JAKMIP1: variants seen among roughly 807,000 people sequenced by gnomAD.
JAKMIP1 encodes janus kinase and microtubule-interacting protein 1.
In JAKMIP1, 33 loss-of-function variants were observed where a neutral mutation model predicts 113.0. That is an observed-to-expected ratio of 0.29 (90% CI 0.22 to 0.39). JAKMIP1 has a LOEUF of 0.39. Ranked by LOEUF, JAKMIP1 falls within the 10% of genes least tolerant of loss-of-function variation. The pLI is 1.00. For missense variants in JAKMIP1, 813 were observed against 1,080.5 expected (o/e 0.75, Z 3.47); for synonymous variants, 480 against 459.9 (o/e 1.04, Z -0.56).
rs559360735 is a variant in JAKMIP1 at position 6,036,125 on chromosome 4, C to T, written c.2176-18G>A. The T allele has an allele frequency of 1.7e-5, 26 of 1,528,906 alleles. No individual in the cohort carries two copies. The East Asian group carries it at 5.9e-4, about 35-fold the overall frequency. 94.7% of individuals were successfully genotyped at this position (1,528,906 alleles called of 1,614,324 possible). ...TGGATTTTCTGAGGACCCCAGATCA[C>T]ACAGACAGAGGAAGGTCACAAGGAG... is the stretch of plus-strand genomic sequence containing the variant. On this transcript the variant is annotated intron_variant, in intron 18 of 20. Transcript: ENST00000409021.
At position 6,187,382 on chromosome 4, in the gene JAKMIP1, A is replaced by G. The variant is rs574843234; in HGVS notation, c.-148+12871T>C. ...ACTTTCAATCTATTTGTATCCTTGA[A>G]TCTAAAGTGTGTCTCCTATAGACAG... On this transcript the variant is annotated intron_variant, in intron 1 of 20. Transcript: ENST00000409021. The surrounding 1 kb of genome is among the most constrained non-coding windows in gnomAD (Gnocchi z 4.2). 1.1e-4 allele frequency among the ~76,000 whole-genome samples: 16 copies of G among 152,278 alleles called. No homozygotes were observed. The South Asian group carries it at 3.3e-3, about 32-fold the overall frequency.
chr4:6,112,616 T>G, intron 2 of JAKMIP1, 106 bp downstream of exon 2: 28 of 1,273,406 alleles, frequency 2.2e-5, no homozygotes, highest in East Asian at 2.4e-5. Flanking sequence ...GTGCCCCCCC[T>G]CGGCCCCCCT....
chr4:6,049,232 C>T lies in JAKMIP1; in HGVS notation c.1963-310G>A, dbSNP rs550823465. ...TGTATTTTTAGCAGAGACAGGGTTT[C>T]GCCATGTTGGCCAGGCTGGTCTCGA... On this transcript the variant is annotated intron_variant, in intron 15 of 20. Transcript: ENST00000409021. The surrounding 1 kb of genome is among the most constrained non-coding windows in gnomAD (Gnocchi z 7.0). 1.2e-4 allele frequency among the ~76,000 whole-genome samples: 19 copies of T among 152,290 alleles called. No homozygotes were observed. The highest frequency in any genetic ancestry group is 1.9e-4 in the East Asian group (1 of 5,180).
intron 1 of JAKMIP1, among the ~76,000 whole-genome samples, chr4:6,144,912 C>T (rs959907300): frequency 6.6e-6 from 1 of 151,976 alleles, no homozygotes. Context: ...TAAAAGGCAC[C>T]CAGATCAGAA....
Position 6,129,376 on chromosome 4 carries a change from A to AC in JAKMIP1, c.-147-16380dup, listed in dbSNP as rs1461929287. Among the ~76,000 whole-genome samples the AC allele has an allele frequency of 6.6e-6, 1 of 152,190 alleles. No homozygotes were observed. The highest frequency in any genetic ancestry group is 1.5e-5 in the Non-Finnish European group (1 of 68,036). On this transcript the variant is annotated intron_variant, in intron 1 of 20. Coordinates refer to ENST00000409021, the MANE Select transcript of JAKMIP1 (RefSeq NM_001099433.2). This position sits in a 1 kb window ranked among gnomAD's most constrained non-coding sequence, Gnocchi z 5.4. ...CCTTTGGCTAAATGGTAAGGTACTG[A>AC]CCATTAAGGGTCCTTGGCCTTGCTC...
chr4:6,055,015 C>T (rs749282020), intron 12 of JAKMIP1, among the ~76,000 whole-genome samples: 2 of 99,470 alleles, frequency 2.0e-5, no homozygotes, highest in African/African-American at 7.6e-5. Flanking sequence ...GCTCGCTGTC[C>T]CAAATGCCCT....
chr4:6,172,074 TTC>T (rs1250949792), intron 1 of JAKMIP1, among the ~76,000 whole-genome samples: 3 of 152,220 alleles, frequency 2.0e-5, no homozygotes, highest in Non-Finnish European at 4.4e-5. Flanking sequence ...CACGCAGGAA[TTC>T]TCAGTCCCAC....
intron 1 of JAKMIP1, among the ~76,000 whole-genome samples, chr4:6,114,795 C>T (rs1232216172): frequency 6.6e-6 from 1 of 152,230 alleles, no homozygotes; most frequent in Non-Finnish European, 1.5e-5. Context: ...GCTGACCTGC[C>T]GCTTTTATAA....
At position 6,135,692 on chromosome 4, in the gene JAKMIP1, A is replaced by G. The variant is rs532958979; in HGVS notation, c.-147-22695T>C. ...CCGCTGAGAAGTTGCTTCTTGCCCCATGTTACCTATGACAAACCAGAGGCT... is the reference window on the plus strand; with the variant it reads ...CCGCTGAGAAGTTGCTTCTTGCCCCGTGTTACCTATGACAAACCAGAGGCT... On this transcript the variant is annotated intron_variant, in intron 1 of 20. Coordinates refer to ENST00000409021, the MANE Select transcript of JAKMIP1 (RefSeq NM_001099433.2). This position sits in a 1 kb window ranked among gnomAD's most constrained non-coding sequence, Gnocchi z 4.9. 7.2e-5 allele frequency among the ~76,000 whole-genome samples: 11 copies of G among 152,272 alleles called. No homozygotes were observed. The highest frequency in any genetic ancestry group is 2.6e-4 in the African/African-American group (11 of 41,546).
At chr4:6,032,750 G>A (rs1016784192) in intron 19 of JAKMIP1, among the ~76,000 whole-genome samples, 2 of 152,204 alleles carry the variant, frequency 1.3e-5, no homozygotes, top group African/African-American at 4.8e-5. Flanking sequence ...GAGAGAGGTG[G>A]ACAATGCAGC....
intron 1 of JAKMIP1, among the ~76,000 whole-genome samples, chr4:6,189,172 C>T (rs1011603502): frequency 1.3e-5 from 2 of 152,190 alleles, no homozygotes; most frequent in African/African-American, 4.8e-5. Context: ...ATGTGACCTT[C>T]CGGGACCACA....
chr4:6,052,868 T>G (rs898053737), intron 13 of JAKMIP1, among the ~76,000 whole-genome samples: 1 of 152,128 alleles, frequency 6.6e-6, no homozygotes, highest in Non-Finnish European at 1.5e-5. Context: ...AAAATGCTCA[T>G]GTCATGCTGA....
In JAKMIP1 at chr4:6,076,274, A is replaced by G. The variant is rs924109521; in HGVS notation, c.1302+2665T>C. Among the ~76,000 whole-genome samples the G allele has an allele frequency of 4.6e-5, 7 of 152,312 alleles. No individual in the cohort carries two copies. Among genetic ancestry groups the G allele is most frequent in the African/African-American group, 1.2e-4 (5 of 41,588 alleles). ...ACCACTTCCTATTTCTGAGTTTCTA[A>G]TGTCAATGTGCAGAAATTTGCCCCG... On this transcript the variant is annotated intron_variant, in intron 8 of 20. Transcript: ENST00000409021. This position sits in a 1 kb window ranked among gnomAD's most constrained non-coding sequence, Gnocchi z 4.8.
At position 6,063,480 on chromosome 4, in the gene JAKMIP1, T is replaced by C. The variant is rs1009275962; in HGVS notation, c.1432-1040A>G. 5.9e-5 allele frequency among the ~76,000 whole-genome samples: 9 copies of C among 152,350 alleles called. No homozygotes were observed. The East Asian group carries it at 1.7e-3, about 29-fold the overall frequency. ...TGCAGGACAGGCTGATGGACTGTTG[T>C]GTGCCTCCAGCACTGGCCTGGCCCC... On this transcript the variant is annotated intron_variant, in intron 9 of 20. Transcript: ENST00000409021.
chr4:6,177,766 C>A (rs888055441), intron 1 of JAKMIP1, among the ~76,000 whole-genome samples: 1 of 152,208 alleles, frequency 6.6e-6, no homozygotes, highest in Admixed American at 6.5e-5. Context: ...ACCCCCAATG[C>A]CACTACCCAC....
In JAKMIP1 at chr4:6,143,164, G is replaced by A. The variant is rs553567967; in HGVS notation, c.-147-30167C>T. On this transcript the variant is annotated intron_variant, in intron 1 of 20. Transcript: ENST00000409021. The surrounding 1 kb of genome is among the most constrained non-coding windows in gnomAD (Gnocchi z 4.9). ...CAGCACAGCTCTCCCCTGTGAGTAC[G>A]AGCTAAGTTAACCCACGCACAGCAC... 7.9e-5 allele frequency among the ~76,000 whole-genome samples: 12 copies of A among 152,294 alleles called. No individual in the cohort carries two copies. Among genetic ancestry groups the A allele is most frequent in the Non-Finnish European group, 1.2e-4 (8 of 68,024 alleles).
At chr4:6,174,340 G>A (rs1239675726) in intron 1 of JAKMIP1, among the ~76,000 whole-genome samples, 3 of 152,176 alleles carry the variant, frequency 2.0e-5, no homozygotes, top group Middle Eastern at 3.2e-3. Context: ...AGGAATAATC[G>A]CCATCACCAG....
intron 2 of JAKMIP1, among the ~76,000 whole-genome samples, chr4:6,110,480 C>T (rs989122806): frequency 6.6e-6 from 1 of 151,198 alleles, no homozygotes; most frequent in African/African-American, 2.4e-5. Context: ...GGGCAAGTCC[C>T]CGCCCTCTCC....
chr4:6,039,758 G>T (rs556425946), intron 18 of JAKMIP1, among the ~76,000 whole-genome samples: 1 of 152,188 alleles, frequency 6.6e-6, no homozygotes, highest in Admixed American at 6.5e-5. Flanking sequence ...GTCATAGCTA[G>T]TTGCACCGGC....
Sources: gnomAD v4.1 joint callset for allele counts (sites outside exome capture counted in the v4.1 genomes callset) on GRCh38, gnomAD v4.1.1 for gene constraint, Gnocchi (gnomAD v3.1) non-coding constraint, MANE v1.5 for transcripts, NCBI Gene and HGNC (gene_info 2026-07-23, HGNC 2026-07-21) for gene names.